LCK: variants seen among roughly 807,000 people sequenced by gnomAD.
LCK encodes LCK proto-oncogene, Src family tyrosine kinase.
Under a neutral mutation model 64.6 loss-of-function variants are expected in LCK, and 14 were observed. The observed-to-expected ratio is 0.22, with a 90% confidence interval of 0.14 to 0.34. The LOEUF is 0.34. Among genes scored for constraint, LCK ranks in the 10% least tolerant of loss-of-function variants. The probability of loss-of-function intolerance (pLI) is 1.00; values close to 1 mark genes in which losing one functional copy is unlikely to be tolerated. For synonymous variants in LCK, 277 were observed against 263.6 expected (o/e 1.05, Z -0.49); for missense variants, 434 against 668.1 (o/e 0.65, Z 3.86).
At chr1:32,274,531 A>G (rs973601046) in intron 2 of LCK, 97 bp downstream of exon 2, 3 of 1,059,400 alleles carry the variant, frequency 2.8e-6, no homozygotes, top group Non-Finnish European at 2.8e-6. Flanking sequence ...GAAAGAATAG[A>G]GTGGCCCTCT....
At chr1:32,272,587 A>AAGAGAGAGAG (rs1165086234) in intron 1 of LCK, among the ~76,000 whole-genome samples, 1 of 131,698 alleles carries the variant, frequency 7.6e-6, no homozygotes, top group South Asian at 2.4e-4. Flanking sequence ...GAGAGAGAGA[A>AAGAGAGAGAG]AGAGAGAGAG....
chr1:32,284,776 G>A (rs1447997210), intron 12 of LCK, among the ~76,000 whole-genome samples: 1 of 152,172 alleles, frequency 6.6e-6, no homozygotes, highest in African/African-American at 2.4e-5. Flanking sequence ...AGGAAACTGG[G>A]CTCGCCCAAG....
intron 1 of LCK, among the ~76,000 whole-genome samples, chr1:32,272,623 A>AAGAGAGAGAGAGAGAGAG (rs145594259): frequency 1.0e-3 from 124 of 123,042 alleles, no homozygotes; most frequent in Non-Finnish European, 1.5e-3. Flanking sequence ...GAGAGAGAGA[A>AAGAGAGAGAGAGAGAGAG]AGAGAGAGAG....
At chr1:32,280,781 G>A (rs1054928605) in intron 12 of LCK, among the ~76,000 whole-genome samples, 15 of 152,224 alleles carry the variant, frequency 9.9e-5, no homozygotes, top group African/African-American at 3.6e-4. Context: ...TCTGGCCCAG[G>A]CAGCCTGGTA....
At position 32,276,531 on chromosome 1, in the gene LCK, G is replaced by A. The variant is rs752891879; in HGVS notation, c.784+42G>A. 5 of 1,589,614 alleles carry A rather than the reference G, an allele frequency of 3.1e-6. No homozygotes were observed. The highest frequency in any genetic ancestry group is 1.1e-5 in the South Asian group (1 of 87,480). ...GGACTGCCTGGGAAGAGGGGAACGGGAGGGGCCGCTGAGGTGATGAGAGTC... is the reference window on the plus strand; with the variant it reads ...GGACTGCCTGGGAAGAGGGGAACGGAAGGGGCCGCTGAGGTGATGAGAGTC... On this transcript the variant is annotated intron_variant, in intron 8 of 12. Coordinates refer to ENST00000336890, the MANE Select transcript of LCK (RefSeq NM_005356.5). The surrounding 1 kb of genome is among the most constrained non-coding windows in gnomAD (Gnocchi z 4.6).
At chr1:32,285,404 A>G (rs1177097222) in intron 12 of LCK, 110 bp from the exon 13 acceptor site, 2 of 964,560 alleles carry the variant, frequency 2.1e-6, no homozygotes, top group Non-Finnish European at 3.3e-6. Flanking sequence ...GAAGACCAAG[A>G]TTCTTTTGGA....
rs1330467379 is a variant in LCK, at chr1:32,273,006, A to G, written c.-5-1319A>G. 4.8e-5 allele frequency among the ~76,000 whole-genome samples: 6 copies of G among 124,402 alleles called. No homozygotes were observed. In the South Asian group the frequency reaches 1.7e-3, roughly 35 times the overall value. 81.6% of individuals were successfully genotyped at this position (124,402 alleles called of 152,430 possible). ...TGGGGGTGAATGCGTGTGTGTGTGT[A>G]TGTGGGTGTGACTGTGTGGGTGTGT... On this transcript the variant is annotated intron_variant, in intron 1 of 12. Transcript: ENST00000336890.
At chr1:32,280,237 G>T in intron 12 of LCK, 27 bp downstream of exon 12, 1 of 1,613,302 alleles carries the variant, frequency 6.2e-7, no homozygotes, top group Non-Finnish European at 8.5e-7. Flanking sequence ...GGAACTGAAA[G>T]GGTGATGGGA....
In LCK at chr1:32,251,345, G is replaced by C. The variant is rs374051573; in HGVS notation, c.-32G>C. On this transcript the variant is annotated 5_prime_UTR_variant, in exon 1 of 13. Coordinates refer to ENST00000336890, the MANE Select transcript of LCK (RefSeq NM_005356.5). This position sits in a 1 kb window ranked among gnomAD's most constrained non-coding sequence, Gnocchi z 4.0. ...TTAGGCCAGGAGGACCATGTGAATG[G>C]GGCCAGAGGGCTCCCGGGCTGGGCA... The C allele has an allele frequency of 3.6e-3, 555 of 152,820 alleles. 2 individuals carry two copies. Among genetic ancestry groups the C allele is most frequent in the African/African-American group, 0.013 (528 of 41,598 alleles). The allele number at this position is 152,820 out of a possible 1,614,324, so 9.5% of individuals were successfully genotyped here. A position where few individuals can be genotyped will look rare whatever the true frequency, so the allele number is the denominator to read the frequency against.
chr1:32,275,744 C>A lies in LCK; in HGVS notation c.481+72C>A. The A allele has an allele frequency of 6.9e-7, 1 of 1,444,696 alleles. No homozygotes were observed. The highest frequency in any genetic ancestry group is 1.2e-5 in the South Asian group (1 of 80,840). The allele number at this position is 1,444,696 out of a possible 1,614,324, so 89.5% of individuals were successfully genotyped here. ...TGCCCGAGGGGGGGCGCAGGGTGAG[C>A]CCGAGGTGGAGACACGGGGTGAGTC... On this transcript the variant is annotated intron_variant, in intron 6 of 12. Transcript: ENST00000336890. The surrounding 1 kb of genome is among the most constrained non-coding windows in gnomAD (Gnocchi z 6.9).
intron 1 of LCK, among the ~76,000 whole-genome samples, chr1:32,268,582 T>C (rs1409024264): frequency 6.6e-6 from 1 of 151,710 alleles, no homozygotes; most frequent in Non-Finnish European, 1.5e-5. Context: ...TCAAAATATA[T>C]CATGTACCCC....
At chr1:32,278,714 G>T (rs112447194) in intron 9 of LCK, among the ~76,000 whole-genome samples, 1 of 152,164 alleles carries the variant, frequency 6.6e-6, no homozygotes, top group African/African-American at 2.4e-5. Context: ...GGAAGTGAGT[G>T]CCAGGAATGA....
intron 1 of LCK, 164 bp from the exon 2 acceptor site, chr1:32,274,161 C>G: frequency 7.0e-7 from 1 of 1,432,654 alleles, no homozygotes; most frequent in Non-Finnish European, 9.3e-7. Context: ...CGGTTTGGAG[C>G]TGGGACCCCC....
At chr1:32,272,948 A>G in intron 1 of LCK, among the ~76,000 whole-genome samples, 1 of 104,674 alleles carries the variant, frequency 9.6e-6, no homozygotes, top group African/African-American at 4.3e-5. Flanking sequence ...TGGGGAGGGG[A>G]GAATGTGTGT....
intron 1 of LCK, among the ~76,000 whole-genome samples, chr1:32,254,049 G>A (rs1639572263): frequency 6.6e-6 from 1 of 152,114 alleles, no homozygotes; most frequent in African/African-American, 2.4e-5. Flanking sequence ...AGTGGGGTGG[G>A]GTGGGGTAGG....
In LCK at chr1:32,274,792, C is replaced by G. The variant is rs147431889; in HGVS notation, c.161C>G (p.Ser54Cys). 1,032 of 1,613,434 alleles carry G rather than the reference C, an allele frequency of 6.4e-4. 4 individuals are homozygous for G. The African/African-American group carries it at 0.011, about 17-fold the overall frequency. ...VRDPLVTYEG[S>C]NPPASPLQDN... ...GACCCACTGGTTACCTACGAAGGCT[C>G]CAATCCGCCGGCTTCCCCACTGCAA... Residue 54 changes from serine to cysteine, a missense_variant, in exon 3 of 13, where the codon TCC becomes TGC. Physicochemically the swap from Ser to Cys is moderately radical, Grantham distance 112. Coordinates refer to ENST00000336890, the MANE Select transcript of LCK (RefSeq NM_005356.5).
chr1:32,253,850 GAC>G lies in LCK; in HGVS notation c.-6+2503_-6+2504del, dbSNP rs72025731. ...AGGGTCTCTCACGCAGCCACACACA[GAC>G]ACACACACACACACACACACACAAG... On this transcript the variant is annotated intron_variant, in intron 1 of 12. Transcript: ENST00000336890. Among the ~76,000 whole-genome samples the G allele has an allele frequency of 7.6e-3, 1,132 of 148,192 alleles. 15 individuals are homozygous for G. Among genetic ancestry groups the G allele is most frequent in the African/African-American group, 0.024 (985 of 40,624 alleles).
At chr1:32,284,533 C>A (rs1640560156) in intron 12 of LCK, among the ~76,000 whole-genome samples, 1 of 151,616 alleles carries the variant, frequency 6.6e-6, no homozygotes, top group Admixed American at 6.6e-5. Context: ...CCAAGCCTGG[C>A]TAATTTTTGT....
At chr1:32,253,687 G>A (rs1005432549) in intron 1 of LCK, among the ~76,000 whole-genome samples, 1 of 152,182 alleles carries the variant, frequency 6.6e-6, no homozygotes, top group Non-Finnish European at 1.5e-5. Flanking sequence ...CAGCACCTTG[G>A]TGGGCCAGTG....
Sources: allele counts gnomAD v4.1 joint callset (sites outside exome capture counted in the v4.1 genomes callset), GRCh38; gene constraint gnomAD v4.1.1; non-coding constraint Gnocchi (gnomAD v3.1); transcripts MANE v1.5; gene names NCBI Gene and HGNC (gene_info 2026-07-23, HGNC 2026-07-21).